The following CTTNBP2NL variants were observed in gnomAD, a reference collection of about 807,000 sequenced individuals.
The protein encoded by CTTNBP2NL is CTTNBP2 N-terminal-like protein.
CTTNBP2NL carries 16 observed loss-of-function variants against 32.5 expected under a neutral mutation model. The ratio of observed to expected loss-of-function variants is 0.49; its 90% CI spans 0.33 to 0.75. The LOEUF is 0.75. CTTNBP2NL is among the 30% of genes least tolerant of loss of function. The probability of loss-of-function intolerance (pLI) is 0.02; values close to 1 mark genes in which losing one functional copy is unlikely to be tolerated. For missense variants in CTTNBP2NL, 645 were observed against 756.0 expected, an observed-to-expected ratio of 0.85 and a Z score of 1.72; for synonymous variants, 298 against 289.4, an observed-to-expected ratio of 1.03 and a Z score of -0.30.
At chr1:112,423,555 A>AG (rs1468671515) in intron 3 of CTTNBP2NL, among the ~76,000 whole-genome samples, 4 of 152,210 alleles carry the variant, frequency 2.6e-5, no homozygotes, top group Non-Finnish European at 5.9e-5. Flanking sequence ...GGAAAAAAAA[A>AG]TGCATCTTTT....
chr1:112,437,142 T>G (rs1187871121), intron 3 of CTTNBP2NL, among the ~76,000 whole-genome samples: 4 of 152,226 alleles, frequency 2.6e-5, no homozygotes, highest in Non-Finnish European at 4.4e-5. Context: ...TATATTCCTT[T>G]GGGTATATAT....
upstream of CTTNBP2NL, among the ~76,000 whole-genome samples, chr1:112,394,340 T>TCG (rs1648259620): frequency 6.6e-6 from 1 of 152,162 alleles, no homozygotes; most frequent in Non-Finnish European, 1.5e-5. Flanking sequence ...ATGAGGCACT[T>TCG]CCTCATTGCA....
intron 3 of CTTNBP2NL, among the ~76,000 whole-genome samples, chr1:112,426,005 C>CTG (rs1253436900): frequency 8.0e-5 from 3 of 37,566 alleles, no homozygotes; most frequent in Non-Finnish European, 2.5e-4. Context: ...GTGTGTGTGT[C>CTG]TGTCTGTCTT....
chr1:112,396,775 C>G (rs891687470), intron 1 of CTTNBP2NL, among the ~76,000 whole-genome samples: 2 of 152,214 alleles, frequency 1.3e-5, no homozygotes, highest in Non-Finnish European at 2.9e-5. Context: ...AGACAGCCAG[C>G]TTTACGGAGG....
intron 2 of CTTNBP2NL, among the ~76,000 whole-genome samples, chr1:112,413,047 C>T (rs1648928723): frequency 6.6e-6 from 1 of 152,074 alleles, no homozygotes; most frequent in South Asian, 2.1e-4. Context: ...TTTTTCTTGC[C>T]TAGGCTGGAC....
At chr1:112,416,632 A>T (rs926735221) in intron 3 of CTTNBP2NL, among the ~76,000 whole-genome samples, 1 of 151,942 alleles carries the variant, frequency 6.6e-6, no homozygotes, top group Non-Finnish European at 1.5e-5. Context: ...AGCTGGGACT[A>T]CAGGCGCACA....
chr1:112,425,198 C>T (rs187949929), intron 3 of CTTNBP2NL, among the ~76,000 whole-genome samples: 58 of 152,128 alleles, frequency 3.8e-4, no homozygotes, highest in African/African-American at 1.4e-3. Context: ...TGGCCAGGTG[C>T]GGTGGCTTAC....
At chr1:112,391,966 G>A (rs1648194719), upstream of CTTNBP2NL, among the ~76,000 whole-genome samples, 1 of 150,784 alleles carries the variant, frequency 6.6e-6, no homozygotes, top group African/African-American at 2.5e-5. Flanking sequence ...ACTCCAGTCT[G>A]GGCAACAGAG....
chr1:112,444,044 T>C (rs1649968963), intron 3 of CTTNBP2NL, among the ~76,000 whole-genome samples: 1 of 152,236 alleles, frequency 6.6e-6, no homozygotes, highest in East Asian at 1.9e-4. Flanking sequence ...TATTCAGATT[T>C]CTTTGAAGAC....
chr1:112,441,601 A>G (rs1649893623), intron 3 of CTTNBP2NL, among the ~76,000 whole-genome samples: 2 of 152,204 alleles, frequency 1.3e-5, no homozygotes, highest in South Asian at 4.1e-4. Context: ...GGATTTGTCT[A>G]ACTTTATGAG....
chr1:112,404,510 G>A (rs1185459502), intron 1 of CTTNBP2NL, among the ~76,000 whole-genome samples: 4 of 152,294 alleles, frequency 2.6e-5, no homozygotes, highest in East Asian at 1.9e-4. Flanking sequence ...TCCTACATTA[G>A]CATTTGAAGG....
intron 3 of CTTNBP2NL, among the ~76,000 whole-genome samples, chr1:112,423,504 T>C (rs1038903695): frequency 6.6e-6 from 1 of 151,450 alleles, no homozygotes; most frequent in African/African-American, 2.4e-5. Flanking sequence ...AGTTAAAAAA[T>C]AAATTTTAAA....
intron 4 of CTTNBP2NL, among the ~76,000 whole-genome samples, chr1:112,451,784 A>AC (rs35132477): frequency 0.52 from 75,080 of 143,994 alleles, 21,473 homozygotes; most frequent in South Asian, 0.66. Context: ...AAAAAAAAAA[A>AC]CACAAAACAA....
At chr1:112,410,853 C>T (rs1412539491) in intron 1 of CTTNBP2NL, among the ~76,000 whole-genome samples, 1 of 152,138 alleles carries the variant, frequency 6.6e-6, no homozygotes, top group East Asian at 1.9e-4. Context: ...ATGAGCTGAG[C>T]ATCTAGTTGA....
chr1:112,401,442 A>G (rs1369455632), intron 1 of CTTNBP2NL, among the ~76,000 whole-genome samples: 2 of 152,204 alleles, frequency 1.3e-5, no homozygotes, highest in Admixed American at 1.3e-4. Context: ...GCTCCACTCT[A>G]AGCTCTACTA....
intron 3 of CTTNBP2NL, among the ~76,000 whole-genome samples, chr1:112,431,697 T>G (rs1467143251): frequency 2.0e-5 from 3 of 152,190 alleles, no homozygotes; most frequent in African/African-American, 7.2e-5. Flanking sequence ...GTATGGAATA[T>G]TATATACTTT....
At chr1:112,425,109 G>A (rs866593022) in intron 3 of CTTNBP2NL, among the ~76,000 whole-genome samples, 1 of 151,744 alleles carries the variant, frequency 6.6e-6, no homozygotes, top group East Asian at 1.9e-4. Context: ...GATTACAAGC[G>A]TGAGCCACTG....
chr1:112,416,473 C>T (rs903504956), intron 3 of CTTNBP2NL, among the ~76,000 whole-genome samples: 8 of 151,290 alleles, frequency 5.3e-5, no homozygotes, highest in African/African-American at 1.9e-4. Context: ...CTTAGTTTCT[C>T]GATCTGATGT....
intron 2 of CTTNBP2NL, chr1:112,415,929 T>C (rs1649046276): frequency 7.2e-6 from 3 of 417,732 alleles, no homozygotes; most frequent in East Asian, 5.5e-5. Context: ...TGATGAAAAA[T>C]TGATCTTTGT....
Sources: gnomAD v4.1 joint callset for allele counts (sites outside exome capture counted in the v4.1 genomes callset) on GRCh38, gnomAD v4.1.1 for gene constraint, MANE v1.5 for transcripts, NCBI Gene and HGNC (gene_info 2026-07-23, HGNC 2026-07-21) for gene names.